AGBL1: variants seen among roughly 807,000 people sequenced by gnomAD.
AGBL1 encodes the protein cytosolic carboxypeptidase 4.
Under a neutral mutation model 118.9 loss-of-function variants are expected in AGBL1, and 130 were observed. The observed-to-expected ratio is 1.09, with a 90% confidence interval of 0.95 to 1.26. AGBL1 has a LOEUF of 1.26. AGBL1 is among the 50% of genes most tolerant of loss of function. The pLI, the probability that AGBL1 is intolerant of heterozygous loss-of-function variation, is 0.00. For missense variants in AGBL1, 1,584 were observed against 1,298.1 expected, an observed-to-expected ratio of 1.22 and a Z score of -3.38; for synonymous variants, 555 against 478.9, an observed-to-expected ratio of 1.16 and a Z score of -2.08.
At chr15:86,469,590 A>G (rs2082452601) in intron 18 of AGBL1, among the ~76,000 whole-genome samples, 1 of 152,146 alleles carries the variant, frequency 6.6e-6, no homozygotes, top group Non-Finnish European at 1.5e-5. Context: ...TCTGTTGGAT[A>G]TGTACCCAGA....
chr15:86,933,868 A>C (rs373693903), intron 23 of AGBL1, among the ~76,000 whole-genome samples: 1 of 152,186 alleles, frequency 6.6e-6, no homozygotes, highest in African/African-American at 2.4e-5. Flanking sequence ...AAACAACTCT[A>C]GTTTGGATGT....
intron 18 of AGBL1, among the ~76,000 whole-genome samples, chr15:86,502,066 C>T (rs1017999224): frequency 4.0e-5 from 6 of 151,488 alleles, no homozygotes; most frequent in African/African-American, 7.3e-5. Flanking sequence ...TCTTCAAGTT[C>T]ATGAGTACAG....
At chr15:86,770,289 G>A (rs555753619) in intron 22 of AGBL1, among the ~76,000 whole-genome samples, 2 of 151,990 alleles carry the variant, frequency 1.3e-5, no homozygotes, top group Admixed American at 6.6e-5. Context: ...CTATCACAGT[G>A]CAGTGGTCCC....
intron 23 of AGBL1, among the ~76,000 whole-genome samples, chr15:86,967,877 C>T (rs2081070456): frequency 6.6e-6 from 1 of 151,942 alleles, no homozygotes; most frequent in Admixed American, 6.6e-5. Context: ...TCATTGGTAG[C>T]TTGATGGGGA....
At chr15:86,571,601 C>G (rs867985733) in intron 21 of AGBL1, among the ~76,000 whole-genome samples, 23 of 152,192 alleles carry the variant, frequency 1.5e-4, no homozygotes, top group African/African-American at 2.4e-4. Flanking sequence ...GTGTCCAGCT[C>G]TCAGCAGAGA....
chr15:86,114,172 C>G (rs1243366869), intron 1 of AGBL1, among the ~76,000 whole-genome samples: 2 of 152,202 alleles, frequency 1.3e-5, no homozygotes, highest in African/African-American at 4.8e-5. Context: ...AATTAAGGGA[C>G]TCTTTATATA....
chr15:86,433,715 C>T (rs1008593787), intron 18 of AGBL1, among the ~76,000 whole-genome samples: 4 of 152,158 alleles, frequency 2.6e-5, no homozygotes, highest in Non-Finnish European at 2.9e-5. Flanking sequence ...ACTCAATCTC[C>T]AAGCTTCAGC....
In AGBL1 at chr15:86,154,467, A is replaced by G. The variant is rs191931920; in HGVS notation, c.300A>G (p.Ala100=). 9.9e-6 allele frequency: 16 copies of G among 1,613,040 alleles called. No homozygotes were observed. Among genetic ancestry groups the G allele is most frequent in the Middle Eastern group, 1.7e-4 (1 of 6,054 alleles). ...KIGRKALELE[A]LDVTLILARK... ...GACGGAAGGCCCTAGAATTGGAAGCACTTGATGTGACATTGATTCTGGCCA... is the reference window on the plus strand; with the variant it reads ...GACGGAAGGCCCTAGAATTGGAAGCGCTTGATGTGACATTGATTCTGGCCA... The change falls in exon 4 of 23, where the codon GCA becomes GCG. Residue 100 remains alanine, a synonymous_variant. Coordinates refer to ENST00000614907, the MANE Select transcript of AGBL1 (RefSeq NM_001386094.1).
chr15:86,899,206 T>TA (rs1567230273), intron 22 of AGBL1, among the ~76,000 whole-genome samples: 1 of 152,184 alleles, frequency 6.6e-6, no homozygotes, highest in Non-Finnish European at 1.5e-5. Context: ...TATGCAGCCG[T>TA]AAAAAAGAAT....
At chr15:86,741,408 A>AAAAAAAAAAAAAAAAAAAAAAAAAAAC (rs2077677146) in intron 22 of AGBL1, among the ~76,000 whole-genome samples, 1 of 135,570 alleles carries the variant, frequency 7.4e-6, no homozygotes, top group Non-Finnish European at 1.6e-5. Context: ...AAAAAAAAAA[A>AAAAAAAAAAAAAAAAAAAAAAAAAAAC]AAAAAAAAAA....
chr15:86,235,402 GGTT>G (rs2078523484), intron 6 of AGBL1, among the ~76,000 whole-genome samples: 8 of 152,270 alleles, frequency 5.3e-5, no homozygotes, highest in Admixed American at 3.3e-4. Flanking sequence ...GGGAATCAAA[GGTT>G]AATATCCAAG....
chr15:86,625,443 A>C (rs2084873213), intron 21 of AGBL1, among the ~76,000 whole-genome samples: 2 of 147,326 alleles, frequency 1.4e-5, no homozygotes, highest in South Asian at 4.3e-4. Flanking sequence ...AAAGAAGGTA[A>C]TCAAAAGAGA....
At chr15:86,889,247 T>G (rs1256131186) in intron 22 of AGBL1, among the ~76,000 whole-genome samples, 1 of 150,734 alleles carries the variant, frequency 6.6e-6, no homozygotes, top group African/African-American at 2.4e-5. Flanking sequence ...AAAATTAGGG[T>G]GGCGATACCG....
rs1174818098 is a variant in AGBL1, at chr15:86,615,591, C to A, written c.2995-58682C>A. On this transcript the variant is annotated intron_variant, in intron 21 of 22. Coordinates refer to ENST00000614907, the MANE Select transcript of AGBL1 (RefSeq NM_001386094.1). The surrounding 1 kb of genome is among the most constrained non-coding windows in gnomAD (Gnocchi z 4.3). ...ATGGCACAGTGGAGAAGGCAATAAA[C>A]CTTCCATGGACTTTGAGGCAATCTA... is the stretch of plus-strand genomic sequence containing the variant. Among the ~76,000 whole-genome samples, 2 of 152,170 alleles carry A rather than the reference C, an allele frequency of 1.3e-5. No individual in the cohort carries two copies. The highest frequency in any genetic ancestry group is 2.9e-5 in the Non-Finnish European group (2 of 68,034).
chr15:86,859,019 A>G (rs907170883), intron 22 of AGBL1, among the ~76,000 whole-genome samples: 1 of 152,316 alleles, frequency 6.6e-6, no homozygotes, highest in South Asian at 2.1e-4. Flanking sequence ...GGTAGGACAA[A>G]TGCTCAAGAC....
intron 21 of AGBL1, among the ~76,000 whole-genome samples, chr15:86,562,040 T>A (rs2083830821): frequency 1.3e-5 from 2 of 152,248 alleles, no homozygotes; most frequent in Non-Finnish European, 2.9e-5. Context: ...CTTATCAGGT[T>A]AAGGAGATTT....
chr15:86,343,304 T>G (rs563957244), intron 17 of AGBL1, among the ~76,000 whole-genome samples: 1 of 79,270 alleles, frequency 1.3e-5, no homozygotes, highest in Non-Finnish European at 3.5e-5. Context: ...GCTTCCTCCT[T>G]GGCTATGAAT....
At chr15:86,849,515 TTC>T (rs2079371760) in intron 22 of AGBL1, among the ~76,000 whole-genome samples, 1 of 117,912 alleles carries the variant, frequency 8.5e-6, no homozygotes, top group South Asian at 3.4e-4. Context: ...CTTTCTTTCT[TTC>T]TTTTTTTTTT....
intron 22 of AGBL1, among the ~76,000 whole-genome samples, chr15:86,686,996 G>T (rs1178015396): frequency 2.0e-5 from 3 of 152,118 alleles, no homozygotes; most frequent in Admixed American, 1.3e-4. Context: ...TTGAACAGTG[G>T]ATGTGGTTTT....
Sources: allele counts gnomAD v4.1 joint callset (sites outside exome capture counted in the v4.1 genomes callset), GRCh38; gene constraint gnomAD v4.1.1; non-coding constraint Gnocchi (gnomAD v3.1); transcripts MANE v1.5; gene names NCBI Gene and HGNC (gene_info 2026-07-23, HGNC 2026-07-21).